The following CIP2A variants were observed in gnomAD, a reference collection of about 807,000 sequenced individuals.
CIP2A encodes protein CIP2A.
In CIP2A, 103 loss-of-function variants were observed where a neutral mutation model predicts 110.9. The observed-to-expected ratio is 0.93, with a 90% CI of 0.79 to 1.09. The LOEUF (loss-of-function observed/expected upper bound fraction) is 1.09. CIP2A is among the 50% of genes least tolerant of loss of function. CIP2A has a pLI of 0.00. For synonymous variants in CIP2A, 381 were observed against 361.6 expected (o/e 1.05, Z -0.61); for missense variants, 1,088 against 1,038.4 (o/e 1.05, Z -0.66).
At position 108,557,434 on chromosome 3, in the gene CIP2A, T is replaced by G; in HGVS notation, c.2014-20A>C. On this transcript the variant is annotated intron_variant, in intron 16 of 20. Coordinates refer to ENST00000295746, the MANE Select transcript of CIP2A (RefSeq NM_020890.3). ...CCGTGCCTCAAAAAAAAAAAGAAGA[T>G]AGACTTTACCACTATCATCTATATC... is the stretch of plus-strand genomic sequence containing the variant. 1 of 1,543,294 alleles carries G rather than the reference T, an allele frequency of 6.5e-7. No homozygotes were observed. The highest frequency in any genetic ancestry group is 1.2e-5 in the South Asian group (1 of 84,046).
chr3:108,558,365 T>C (rs911894029), intron 16 of CIP2A, among the ~76,000 whole-genome samples: 8 of 152,170 alleles, frequency 5.3e-5, no homozygotes, highest in Admixed American at 2.0e-4. Context: ...AACACTTTAT[T>C]ATAATTCATT....
chr3:108,553,740 T>G lies in CIP2A; in HGVS notation c.2325-10A>C. 1 of 1,493,726 alleles carries G rather than the reference T, an allele frequency of 6.7e-7. No homozygotes were observed. The highest frequency in any genetic ancestry group is 9.2e-7 in the Non-Finnish European group (1 of 1,081,606). 92.5% of individuals were successfully genotyped at this position (1,493,726 alleles called of 1,614,324 possible). On this transcript the variant is annotated splice_polypyrimidine_tract_variant and intron_variant, in intron 18 of 20. Transcript: ENST00000295746. ...TAATTGGGCAATACTTCTGAAGTTA[T>G]TAAAAAAAATAGAAGAAAACATTAA... is the stretch of plus-strand genomic sequence containing the variant.
At chr3:108,574,621 C>G (rs1474244134) in intron 8 of CIP2A, 2 of 152,842 alleles carry the variant, frequency 1.3e-5, no homozygotes, top group Admixed American at 6.5e-5. Context: ...TGTGCAATGG[C>G]TGCAAACAGC....
Position 108,585,152 on chromosome 3 carries a change from A to C in CIP2A, c.163T>G (p.Cys55Gly). Residue 55 changes from cysteine to glycine, a missense_variant, in exon 2 of 21, where the codon TGC (cysteine) becomes GGC (glycine). Physicochemically the swap from Cys to Gly is radical, Grantham distance 159. Coordinates refer to ENST00000295746, the MANE Select transcript of CIP2A (RefSeq NM_020890.3). Reference protein sequence around the residue: ...FTSNQILTSECLSCLVELLED... With the variant: ...FTSNQILTSEGLSCLVELLED... ...AGTAGCTCTACAAGGCAACTCAAGCATTCACTTGTTAATATCTGATTTGAT... is the reference window on the plus strand; with the variant it reads ...AGTAGCTCTACAAGGCAACTCAAGCCTTCACTTGTTAATATCTGATTTGAT... The C allele has an allele frequency of 1.2e-6, 2 of 1,613,274 alleles. No homozygotes were observed. The highest frequency in any genetic ancestry group is 1.7e-6 in the Non-Finnish European group (2 of 1,179,302).
At position 108,569,467 on chromosome 3, in the gene CIP2A, C is replaced by A. The variant is rs1369784131; in HGVS notation, c.1035G>T (p.Leu345=). ...TKCLEPTVAL[L]RWLSQPLDGS... ...CGTCCAAAGGTTGGCTTAACCAGCGCAGTAGAGCCACAGTAGGTTCTAAAC... is the reference window on the plus strand; with the variant it reads ...CGTCCAAAGGTTGGCTTAACCAGCGAAGTAGAGCCACAGTAGGTTCTAAAC... Residue 345 remains leucine, a synonymous_variant, in exon 9 of 21, where the codon CTG becomes CTT. Coordinates refer to ENST00000295746, the MANE Select transcript of CIP2A (RefSeq NM_020890.3). 13 of 1,612,768 alleles carry A rather than the reference C, an allele frequency of 8.1e-6. No individual in the cohort carries two copies. Among genetic ancestry groups the A allele is most frequent in the Non-Finnish European group, 1.0e-5 (12 of 1,179,280 alleles).
chr3:108,561,836 A>C (rs1056796170), intron 13 of CIP2A, among the ~76,000 whole-genome samples: 5 of 152,194 alleles, frequency 3.3e-5, no homozygotes, highest in African/African-American at 1.2e-4. Context: ...TTTACAACAC[A>C]AATAAGACAG....
In CIP2A at chr3:108,560,043, T is replaced by TA. The variant is rs766934851; in HGVS notation, c.1828-16dup. 7 of 1,430,534 alleles carry TA rather than the reference T, an allele frequency of 4.9e-6. No homozygotes were observed. The highest frequency in any genetic ancestry group is 6.8e-6 in the Non-Finnish European group (7 of 1,036,148). The allele number at this position is 1,430,534 out of a possible 1,614,324, so 88.6% of individuals were successfully genotyped here. A position where few individuals can be genotyped will look rare whatever the true frequency, so the allele number is the denominator to read the frequency against. ...TGATCCTTTACCTACATTTTAAGAG[T>TA]AAAAAAACTTAAAATTTTAATAAAA... is the stretch of plus-strand genomic sequence containing the variant. On this transcript the variant is annotated splice_polypyrimidine_tract_variant and intron_variant, in intron 14 of 20. Coordinates refer to ENST00000295746, the MANE Select transcript of CIP2A (RefSeq NM_020890.3).
Position 108,551,293 on chromosome 3 carries a change from T to G in CIP2A, c.2574A>C (p.Ala858=). The change falls in exon 21 of 21, where the codon GCA becomes GCC. Residue 858 remains alanine, a synonymous_variant. Coordinates refer to ENST00000295746, the MANE Select transcript of CIP2A (RefSeq NM_020890.3). ...IKASSLEVQK[A]QLEGRLEEKE... Reference sequence around the variant, plus strand: ...TCTCTTCCAAACGACCTTCTAATTGTGCCTTTTGAACCTCTAGGGAGGAAG... The same window carrying G: ...TCTCTTCCAAACGACCTTCTAATTGGGCCTTTTGAACCTCTAGGGAGGAAG... 1 of 1,611,772 alleles carries G rather than the reference T, an allele frequency of 6.2e-7. No individual in the cohort carries two copies. The highest frequency in any genetic ancestry group is 8.5e-7 in the Non-Finnish European group (1 of 1,178,560).
In CIP2A at chr3:108,559,853, C is replaced by T; in HGVS notation, c.1917G>A (p.Arg639=). ...CTTTTGTTTCCAAAAGATCTTGTAG[C>T]CTGCTTTCTTTGGACTACAAGAAAA... ...KLSTLASKES[R]LQDLLETKAL... The change falls in exon 16 of 21, where the codon AGG becomes AGA. Residue 639 remains arginine, a synonymous_variant. Transcript: ENST00000295746. 6.2e-7 allele frequency: 1 copy of T among 1,606,784 alleles called. No homozygotes were observed. The highest frequency in any genetic ancestry group is 8.5e-7 in the Non-Finnish European group (1 of 1,174,764).
intron 17 of CIP2A, among the ~76,000 whole-genome samples, chr3:108,556,014 A>G (rs926706883): frequency 2.0e-5 from 3 of 152,160 alleles, no homozygotes; most frequent in African/African-American, 7.2e-5. Flanking sequence ...TGTATTGAGC[A>G]AATGGAACCC....
chr3:108,579,108 T>C (rs561232352), intron 7 of CIP2A, among the ~76,000 whole-genome samples, 173 bp downstream of exon 7: 3 of 152,262 alleles, frequency 2.0e-5, no homozygotes, highest in African/African-American at 7.2e-5. Context: ...ATACTTTCCA[T>C]TTCAGTTCAG....
At chr3:108,575,185 T>C (rs545164814) in intron 8 of CIP2A, 2 of 152,136 alleles carry the variant, frequency 1.3e-5, no homozygotes, top group Non-Finnish European at 2.9e-5. Flanking sequence ...CATCACATTA[T>C]GTTGAACCAA....
rs371620733 is a variant in CIP2A, at chr3:108,551,279, C to A, written c.2588G>T (p.Arg863Leu). The stretch of plus-strand genomic sequence containing the variant: ...CACCAAGGACTCTTTCTCTTCCAAA[C>A]GACCTTCTAATTGTGCCTTTTGAAC... ...LEVQKAQLEGRLEEKESLVKL... is the reference protein window; with the variant it reads ...LEVQKAQLEGLLEEKESLVKL... The change falls in exon 21 of 21, where the codon CGT becomes CTT. Residue 863 changes from arginine (R) to leucine (L), a missense_variant. By Grantham distance (102) the Arg-to-Leu change is moderately radical. Transcript: ENST00000295746. 1 of 1,612,138 alleles carries A rather than the reference C, an allele frequency of 6.2e-7. No individual in the cohort carries two copies. The highest frequency in any genetic ancestry group is 2.2e-5 in the East Asian group (1 of 44,776).
chr3:108,570,942 T>C (rs1938383834), intron 8 of CIP2A, among the ~76,000 whole-genome samples: 4 of 152,144 alleles, frequency 2.6e-5, no homozygotes, highest in Non-Finnish European at 5.9e-5. Context: ...TATTTACATC[T>C]GTAGTCTATC....
intron 8 of CIP2A, among the ~76,000 whole-genome samples, chr3:108,573,300 A>G (rs1938459093): frequency 6.6e-6 from 1 of 151,998 alleles, no homozygotes; most frequent in African/African-American, 2.4e-5. Flanking sequence ...TACTGGCCTT[A>G]TAATCAAAGA....
At position 108,581,526 on chromosome 3, in the gene CIP2A, T is replaced by C. The variant is rs377224133; in HGVS notation, c.453-15A>G. 4.4e-5 allele frequency: 67 copies of C among 1,508,250 alleles called. No individual in the cohort carries two copies. In the African/African-American group the frequency reaches 8.0e-4, roughly 18 times the overall value. 93.4% of individuals were successfully genotyped at this position (1,508,250 alleles called of 1,614,324 possible). A position where few individuals can be genotyped will look rare whatever the true frequency, so the allele number is the denominator to read the frequency against. The stretch of plus-strand genomic sequence containing the variant: ...CAGAAGATTGACTGTTGTTTTACAT[T>C]GGTGTTTTGTTTAAAGAAAAAATAG... On this transcript the variant is annotated splice_polypyrimidine_tract_variant and intron_variant, in intron 4 of 20. Coordinates refer to ENST00000295746, the MANE Select transcript of CIP2A (RefSeq NM_020890.3).
intron 1 of CIP2A, 131 bp from the exon 2 acceptor site, chr3:108,585,343 G>A (rs1939010061): frequency 1.1e-5 from 9 of 789,378 alleles, no homozygotes; most frequent in Non-Finnish European, 1.9e-6. Context: ...CACACATGCT[G>A]TGAAAAATTC....
intron 3 of CIP2A, among the ~76,000 whole-genome samples, chr3:108,582,720 C>T (rs1938921541): frequency 6.6e-6 from 1 of 152,170 alleles, no homozygotes; most frequent in African/African-American, 2.4e-5. Flanking sequence ...ACACAGACAT[C>T]TGTGTTTATA....
At position 108,550,981 on chromosome 3, in the gene CIP2A, T is replaced by C; in HGVS notation, c.*168A>G. The C allele has an allele frequency of 2.6e-6, 1 of 385,946 alleles. No individual in the cohort carries two copies. The highest frequency in any genetic ancestry group is 4.5e-6 in the Non-Finnish European group (1 of 222,096). The allele number at this position is 385,946 out of a possible 1,614,324, so 23.9% of individuals were successfully genotyped here. A position where few individuals can be genotyped will look rare whatever the true frequency, so the allele number is the denominator to read the frequency against. On this transcript the variant is annotated 3_prime_UTR_variant, in exon 21 of 21. Transcript: ENST00000295746. ...TAAAACTTAGAAAATTAAATTTCTA[T>C]TCAAACTATCAAATAAAAAACATGC...
Sources: allele counts gnomAD v4.1 joint callset (sites outside exome capture counted in the v4.1 genomes callset), GRCh38; gene constraint gnomAD v4.1.1; transcripts MANE v1.5; gene names NCBI Gene and HGNC (gene_info 2026-07-23, HGNC 2026-07-21).